LRBA: variants seen among roughly 807,000 people sequenced by gnomAD.
LRBA encodes lipopolysaccharide-responsive and beige-like anchor protein.
Under a neutral mutation model 330.0 loss-of-function variants are expected in LRBA, and 176 were observed. The observed-to-expected ratio is 0.53, with a 90% CI of 0.47 to 0.60. The LOEUF is 0.60. Among genes scored for constraint, LRBA ranks in the 20% least tolerant of loss-of-function variants. The pLI, the probability that LRBA is intolerant of heterozygous loss-of-function variation, is 0.00. For missense variants in LRBA, 3,259 were observed against 3,444.8 expected (o/e 0.95, Z 1.35); for synonymous variants, 1,230 against 1,193.0 (o/e 1.03, Z -0.64).
At chr4:150,286,095 A>G in intron 53 of LRBA, 61 bp from the exon 54 acceptor site, 2 of 1,139,860 alleles carry the variant, frequency 1.8e-6, no homozygotes, top group Non-Finnish European at 2.5e-6. Flanking sequence ...TTAAATAATC[A>G]ACAACTTGCT....
intron 2 of LRBA, among the ~76,000 whole-genome samples, chr4:151,002,167 A>C (rs1037540223): frequency 1.4e-5 from 2 of 144,722 alleles, no homozygotes; most frequent in African/African-American, 5.1e-5. Flanking sequence ...GAAAGATATC[A>C]ATGTAACGAC....
chr4:151,003,601 T>C (rs1743659966), intron 2 of LRBA, among the ~76,000 whole-genome samples: 1 of 151,030 alleles, frequency 6.6e-6, no homozygotes, highest in South Asian at 2.1e-4. Context: ...AGTGAGACAA[T>C]CCCCCCAGCC....
chr4:150,561,679 T>A lies in LRBA; in HGVS notation c.6330+26369A>T, dbSNP rs137969116. 5.9e-3 allele frequency among the ~76,000 whole-genome samples: 894 copies of A among 152,314 alleles called. 9 individuals are homozygous for A. Among genetic ancestry groups the A allele is most frequent in the African/African-American group, 0.02 (846 of 41,572 alleles). On this transcript the variant is annotated intron_variant, in intron 40 of 56. Transcript: ENST00000651943. ...CTCCCCTAGACGCTCTAGAAGAGAA[T>A]GCAGTCCTGCCAACACCTTGATTTT...
Position 150,916,674 on chromosome 4 carries a change from A to G in LRBA, c.710T>C (p.Leu237Pro). Residue 237 changes from leucine (L) to proline (P), a missense_variant, in exon 6 of 57, where the codon CTT (leucine) becomes CCT (proline). Coordinates refer to ENST00000651943, the MANE Select transcript of LRBA (RefSeq NM_001364905.1). ...GATGTTATTTACAGGATCCATTCTAAGCCATGTATGAAATGTAAAACCATT... is the reference window on the plus strand; with the variant it reads ...GATGTTATTTACAGGATCCATTCTAGGCCATGTATGAAATGTAAAACCATT... Reference protein sequence around the residue: ...YQNGFTFHTWLRMDPVNNINV... With the variant: ...YQNGFTFHTWPRMDPVNNINV... 1 of 1,601,122 alleles carries G rather than the reference A, an allele frequency of 6.2e-7. No homozygotes were observed. The highest frequency in any genetic ancestry group is 8.5e-7 in the Non-Finnish European group (1 of 1,174,940).
intron 40 of LRBA, among the ~76,000 whole-genome samples, chr4:150,513,987 A>G (rs1397635084): frequency 6.6e-6 from 1 of 152,092 alleles, no homozygotes; most frequent in East Asian, 1.9e-4. Flanking sequence ...CCTTTGTCCT[A>G]TGTCTTCTGC....
intron 40 of LRBA, among the ~76,000 whole-genome samples, chr4:150,539,744 A>G (rs1765116127): frequency 6.6e-6 from 1 of 152,212 alleles, no homozygotes; most frequent in South Asian, 2.1e-4. Flanking sequence ...AGTGATCTGG[A>G]GAACAGTAAC....
At chr4:150,696,993 G>A (rs1464035001) in intron 36 of LRBA, among the ~76,000 whole-genome samples, 1 of 150,086 alleles carries the variant, frequency 6.7e-6, no homozygotes, top group Non-Finnish European at 1.5e-5. Flanking sequence ...CAGCCTGGGT[G>A]ACAGAAGAGA....
rs374927479 is a variant in LRBA at position 150,476,896 on chromosome 4, A to T, written c.6552-5157T>A. 4.9e-3 allele frequency among the ~76,000 whole-genome samples: 741 copies of T among 152,290 alleles called. 53 individuals carry two copies. In the South Asian group the frequency reaches 0.15, roughly 31 times the overall value. On this transcript the variant is annotated intron_variant, in intron 42 of 56. Transcript: ENST00000651943. ...AAGAACCACCACAGGTAGAAAACTG[A>T]TAACAGGACTAATTCTCTTGCTGAT...
chr4:150,466,925 A>T (rs902277574), intron 44 of LRBA, among the ~76,000 whole-genome samples: 2 of 152,132 alleles, frequency 1.3e-5, no homozygotes, highest in Non-Finnish European at 2.9e-5. Context: ...CAAAACTGTG[A>T]TCTCCAGATA....
chr4:150,448,984 G>C (rs10027804), intron 44 of LRBA, among the ~76,000 whole-genome samples: 1 of 151,632 alleles, frequency 6.6e-6, no homozygotes, highest in Non-Finnish European at 1.5e-5. Flanking sequence ...GAGAGAATAC[G>C]ACTGAGGCAA....
intron 34 of LRBA, among the ~76,000 whole-genome samples, chr4:150,786,715 TA>T (rs1739113316): frequency 1.3e-5 from 2 of 152,118 alleles, no homozygotes; most frequent in Admixed American, 1.3e-4. Flanking sequence ...AAAATATGTT[TA>T]AAAAACCCTA....
At chr4:150,643,776 T>C (rs937630666) in intron 37 of LRBA, among the ~76,000 whole-genome samples, 1 of 151,978 alleles carries the variant, frequency 6.6e-6, no homozygotes, top group Admixed American at 6.6e-5. Context: ...TAAGAATGGA[T>C]TGTAAATTCA....
chr4:150,489,701 TA>T (rs1490410279), intron 41 of LRBA, among the ~76,000 whole-genome samples: 1 of 119,882 alleles, frequency 8.3e-6, no homozygotes, highest in African/African-American at 3.1e-5. Flanking sequence ...TATTATATAT[TA>T]TATATTATAT....
intron 37 of LRBA, among the ~76,000 whole-genome samples, chr4:150,631,580 A>G (rs1777382366): frequency 6.6e-6 from 1 of 152,210 alleles, no homozygotes; most frequent in Non-Finnish European, 1.5e-5. Flanking sequence ...CCAAAAATGT[A>G]CCAGCAATAT....
intron 28 of LRBA, among the ~76,000 whole-genome samples, chr4:150,837,796 A>C (rs910399385): frequency 1.3e-5 from 2 of 152,102 alleles, no homozygotes; most frequent in Non-Finnish European, 2.9e-5. Context: ...TTTACATTTA[A>C]AGTTAATATT....
At chr4:150,500,526 T>A (rs907006572) in intron 40 of LRBA, among the ~76,000 whole-genome samples, 2 of 152,048 alleles carry the variant, frequency 1.3e-5, no homozygotes, top group Admixed American at 6.6e-5. Context: ...TGCAGTGAGC[T>A]GAGATCGGAC....
At chr4:150,364,654 A>C (rs999182134) in intron 47 of LRBA, among the ~76,000 whole-genome samples, 1 of 152,198 alleles carries the variant, frequency 6.6e-6, no homozygotes, top group Non-Finnish European at 1.5e-5. Context: ...GTTGATCTGG[A>C]GGCTTTATTT....
intron 46 of LRBA, among the ~76,000 whole-genome samples, chr4:150,432,146 A>T (rs887472446): frequency 1.3e-5 from 2 of 152,102 alleles, no homozygotes; most frequent in African/African-American, 2.4e-5. Flanking sequence ...AAAAATTTAA[A>T]TCTTCTTCAT....
rs186248185 is a variant in LRBA, at chr4:150,335,027, G to A, written c.7363-9129C>T. Among the ~76,000 whole-genome samples the A allele has an allele frequency of 6.8e-3, 1,034 of 151,614 alleles. 10 individuals are homozygous for A. The highest frequency in any genetic ancestry group is 0.024 in the African/African-American group (976 of 41,336). ...GTATTTTTAGTAGAGATGGGGTTTC[G>A]CCATGTTGTCCAGGCTGGTCTCAAA... is the stretch of plus-strand genomic sequence containing the variant. On this transcript the variant is annotated intron_variant, in intron 48 of 56. Coordinates refer to ENST00000651943, the MANE Select transcript of LRBA (RefSeq NM_001364905.1).
Sources: gnomAD v4.1 joint callset for allele counts (sites outside exome capture counted in the v4.1 genomes callset) on GRCh38, gnomAD v4.1.1 for gene constraint, MANE v1.5 for transcripts, NCBI Gene and HGNC (gene_info 2026-07-23, HGNC 2026-07-21) for gene names.